SPEG: variants seen among roughly 807,000 people sequenced by gnomAD.
SPEG encodes the protein striated muscle enriched protein kinase.
A neutral mutation model predicts 300.4 loss-of-function variants in SPEG; 114 were observed. That is an observed-to-expected ratio of 0.38 (90% CI 0.33 to 0.44). The LOEUF is 0.44. Among genes scored for constraint, SPEG ranks in the 20% least tolerant of loss-of-function variants. SPEG has a pLI of 1.00. For missense variants in SPEG, 4,201 were observed against 4,586.2 expected, an observed-to-expected ratio of 0.92 and a Z score of 2.43; for synonymous variants, 1,964 against 2,018.9, an observed-to-expected ratio of 0.97 and a Z score of 0.73.
Position 219,481,792 on chromosome 2 carries a change from T to C in SPEG, c.5565+112T>C. The C allele has an allele frequency of 1.1e-6, 1 of 927,154 alleles. No homozygotes were observed. Among genetic ancestry groups the C allele is most frequent in the Non-Finnish European group, 1.8e-6 (1 of 566,480 alleles). The allele number at this position is 927,154 out of a possible 1,614,324, so 57.4% of individuals were successfully genotyped here. A position where few individuals can be genotyped will look rare whatever the true frequency, so the allele number is the denominator to read the frequency against. ...TGCAGTAACCACGTTAGGCATTGTA[T>C]GTACATATGACGTATTAGCCTCACA... On this transcript the variant is annotated intron_variant, in intron 28 of 40. Coordinates refer to ENST00000312358, the MANE Select transcript of SPEG (RefSeq NM_005876.5). The surrounding 1 kb of genome is among the most constrained non-coding windows in gnomAD (Gnocchi z 5.4).
Position 219,481,895 on chromosome 2 carries a change from G to T in SPEG, c.5565+215G>T, listed in dbSNP as rs1361785796. On this transcript the variant is annotated intron_variant, in intron 28 of 40. Transcript: ENST00000312358. This position sits in a 1 kb window ranked among gnomAD's most constrained non-coding sequence, Gnocchi z 5.4. ...GGCTCTAATCAGTGATGGAGTTGGG[G>T]GTATACATACTGGACTCCAGGGCAT... Among the ~76,000 whole-genome samples the T allele has an allele frequency of 1.3e-5, 2 of 152,134 alleles. No homozygotes were observed. Among genetic ancestry groups the T allele is most frequent in the Non-Finnish European group, 2.9e-5 (2 of 68,018 alleles).
At chr2:219,460,733 C>T (rs1161733874) in intron 6 of SPEG, 1 of 982,170 alleles carries the variant, frequency 1.0e-6, no homozygotes, top group East Asian at 1.1e-4. Context: ...GCAGGCACCA[C>T]CTTCCTAGCC....
Position 219,479,767 on chromosome 2 carries a change from C to A in SPEG, c.5086-16C>A. 1 of 1,613,092 alleles carries A rather than the reference C, an allele frequency of 6.2e-7. No individual in the cohort carries two copies. ...CCACCCTTCCCCCTCAGACTCTGGG[C>A]CCACTATTTCCACAGATCCGGGCCT... On this transcript the variant is annotated splice_polypyrimidine_tract_variant and intron_variant, in intron 23 of 40. Transcript: ENST00000312358. The surrounding 1 kb of genome is among the most constrained non-coding windows in gnomAD (Gnocchi z 5.5).
At chr2:219,442,061 T>A in intron 1 of SPEG, 8 of 1,176,734 alleles carry the variant, frequency 6.8e-6, no homozygotes, top group Non-Finnish European at 7.4e-6. Flanking sequence ...ATGAAGAAGC[T>A]GTGGGTGAAG....
Position 219,462,287 on chromosome 2 carries a change from A to AC in SPEG, c.2617-6dup. ...CTGTCTTCCCCTGACACTTTGGGGT[A>AC]CCCCCTTCAGGTCTCACTTATGGAC... On this transcript the variant is annotated splice_polypyrimidine_tract_variant and intron_variant, in intron 7 of 40. Coordinates refer to ENST00000312358, the MANE Select transcript of SPEG (RefSeq NM_005876.5). The AC allele has an allele frequency of 1.3e-6, 2 of 1,556,368 alleles. No homozygotes were observed. Among genetic ancestry groups the AC allele is most frequent in the Non-Finnish European group, 1.7e-6 (2 of 1,148,994 alleles).
Position 219,481,210 on chromosome 2 carries a change from C to A in SPEG, c.5370-94C>A. On this transcript the variant is annotated intron_variant, in intron 26 of 40. Coordinates refer to ENST00000312358, the MANE Select transcript of SPEG (RefSeq NM_005876.5). This position sits in a 1 kb window ranked among gnomAD's most constrained non-coding sequence, Gnocchi z 5.4. ...GCCCAGCCTCTGTCATCCTCACAAC[C>A]CCAGAGCCTCCATCTGTCCCCAGCC... 1 of 1,370,334 alleles carries A rather than the reference C, an allele frequency of 7.3e-7. No homozygotes were observed. The highest frequency in any genetic ancestry group is 1.0e-6 in the Non-Finnish European group (1 of 982,570). The allele number at this position is 1,370,334 out of a possible 1,614,324, so 84.9% of individuals were successfully genotyped here.
At chr2:219,467,572 T>G in intron 10 of SPEG, 138 bp downstream of exon 10, 1 of 966,894 alleles carries the variant, frequency 1.0e-6, no homozygotes, top group Non-Finnish European at 1.5e-6. Flanking sequence ...GCTAGTACAT[T>G]GCCTTGGCCT....
At chr2:219,461,823 A>G in intron 6 of SPEG, 59 bp from the exon 7 acceptor site, 1 of 1,544,988 alleles carries the variant, frequency 6.5e-7, no homozygotes, top group Non-Finnish European at 8.9e-7. Flanking sequence ...CATTCCAGCC[A>G]GCTCTCCCAG....
chr2:219,437,612 T>C (rs1043544165), intron 1 of SPEG, among the ~76,000 whole-genome samples: 2 of 152,072 alleles, frequency 1.3e-5, no homozygotes, highest in African/African-American at 4.8e-5. Context: ...CCTGATTGTG[T>C]AGATAGAAGG....
In SPEG at chr2:219,469,313, C is replaced by T; in HGVS notation, c.3649C>T (p.Pro1217Ser). The change falls in exon 13 of 41, where the codon CCC (proline) becomes TCC (serine). Residue 1217 changes from proline (P) to serine (S), a missense_variant. Coordinates refer to ENST00000312358, the MANE Select transcript of SPEG (RefSeq NM_005876.5). ...LECQVTGLPY[P>S]TISWFHNGHR... is the part of the protein sequence containing the mutation. ...GTGCCAGGTGACCGGCCTGCCCTAC[C>T]CCACCATCAGCTGGTTCCACAATGG... 1 of 1,613,950 alleles carries T rather than the reference C, an allele frequency of 6.2e-7. No homozygotes were observed. Among genetic ancestry groups the T allele is most frequent in the South Asian group, 1.1e-5 (1 of 91,090 alleles).
chr2:219,477,862 C>G lies in SPEG; in HGVS notation c.4827-43C>G. 1.2e-6 allele frequency: 2 copies of G among 1,604,448 alleles called. No individual in the cohort carries two copies. The highest frequency in any genetic ancestry group is 1.7e-6 in the Non-Finnish European group (2 of 1,172,492). On this transcript the variant is annotated intron_variant, in intron 21 of 40. Coordinates refer to ENST00000312358, the MANE Select transcript of SPEG (RefSeq NM_005876.5). This position sits in a 1 kb window ranked among gnomAD's most constrained non-coding sequence, Gnocchi z 6.4. ...GAGGGTTGGGAGGGGTGGAGAGGGC[C>G]ACAGTGATGGCTGATCTCTGACCCC...
In SPEG at chr2:219,483,411, A is replaced by C. The variant is rs2125553127; in HGVS notation, c.5948A>C (p.Asp1983Ala). The C allele has an allele frequency of 6.3e-7, 1 of 1,585,934 alleles. No homozygotes were observed. The highest frequency in any genetic ancestry group is 8.5e-7 in the Non-Finnish European group (1 of 1,172,310). ...WQEQGRAPSQ[D>A]QEAPSPEALP... ...GAGCAGGGAAGGGCTCCCTCTCAGG[A>C]CCAGGAGGCTCCCAGCCCAGAGGCC... Residue 1983 changes from aspartate to alanine, a missense_variant, in exon 30 of 41, where the codon GAC becomes GCC. Coordinates refer to ENST00000312358, the MANE Select transcript of SPEG (RefSeq NM_005876.5).
In SPEG at chr2:219,443,053, G is replaced by A. The variant is rs879809956; in HGVS notation, c.389-1600G>A. ...TTGCAGGTCTGGATGGGAGGCACAG[G>A]GACCTTAGGAACAAGCCTCCCCCTC... On this transcript the variant is annotated intron_variant, in intron 1 of 40. Coordinates refer to ENST00000312358, the MANE Select transcript of SPEG (RefSeq NM_005876.5). The surrounding 1 kb of genome is among the most constrained non-coding windows in gnomAD (Gnocchi z 4.6). 12 of 1,483,736 alleles carry A rather than the reference G, an allele frequency of 8.1e-6. No homozygotes were observed. Among genetic ancestry groups the A allele is most frequent in the Non-Finnish European group, 1.1e-5 (12 of 1,073,030 alleles). 91.9% of individuals were successfully genotyped at this position (1,483,736 alleles called of 1,614,324 possible).
chr2:219,476,768 C>T, intron 18 of SPEG, 102 bp from the exon 19 acceptor site: 1 of 878,194 alleles, frequency 1.1e-6, no homozygotes, highest in Non-Finnish European at 1.8e-6. Context: ...AGCGTTCTGA[C>T]TGAGCCAGTC....
chr2:219,441,945 C>T, intron 1 of SPEG: 1 of 275,764 alleles, frequency 3.6e-6, no homozygotes, highest in Non-Finnish European at 6.5e-6. Context: ...CCACCCGCGC[C>T]GGCTCCCGCC....
Position 219,449,282 on chromosome 2 carries a change from AG to A in SPEG, c.2113+14del. 1 of 1,370,118 alleles carries A rather than the reference AG, an allele frequency of 7.3e-7. No individual in the cohort carries two copies. 84.9% of individuals were successfully genotyped at this position (1,370,118 alleles called of 1,614,324 possible). ...CCTCCCCTGAGCTCGGTAAGGCCTC[AG>A]GGAGGGCTGACAAGGTGCCTGAACC... On this transcript the variant is annotated intron_variant, in intron 4 of 40. Coordinates refer to ENST00000312358, the MANE Select transcript of SPEG (RefSeq NM_005876.5).
At chr2:219,465,895 G>C (rs867941316) in intron 9 of SPEG, 1 of 653,432 alleles carries the variant, frequency 1.5e-6, no homozygotes, top group East Asian at 2.8e-5. Context: ...GCATGTGTGC[G>C]TATGGGTGTG....
Position 219,476,754 on chromosome 2 carries a change from G to C in SPEG, c.4448-116G>C. The stretch of plus-strand genomic sequence containing the variant: ...GGTGGTGGCTTGCAGGGAGGCGGGG[G>C]TCTAGCGTTCTGACTGAGCCAGTCA... On this transcript the variant is annotated intron_variant, in intron 18 of 40. Coordinates refer to ENST00000312358, the MANE Select transcript of SPEG (RefSeq NM_005876.5). The C allele has an allele frequency of 4.1e-6, 3 of 740,026 alleles. No homozygotes were observed. In the Admixed American group the frequency reaches 7.3e-5, roughly 18 times the overall value. The allele number at this position is 740,026 out of a possible 1,614,324, so 45.8% of individuals were successfully genotyped here. A position where few individuals can be genotyped will look rare whatever the true frequency, so the allele number is the denominator to read the frequency against.
chr2:219,439,312 G>GA lies in SPEG; in HGVS notation c.388+3948dup, dbSNP rs1954799062. The stretch of plus-strand genomic sequence containing the variant: ...TGCCTACTATGTGCTTTTGATACAC[G>GA]AGTCAGGGGGTTGAGGGAGACCAAA... On this transcript the variant is annotated intron_variant, in intron 1 of 40. Coordinates refer to ENST00000312358, the MANE Select transcript of SPEG (RefSeq NM_005876.5). This position sits in a 1 kb window ranked among gnomAD's most constrained non-coding sequence, Gnocchi z 4.5. Among the ~76,000 whole-genome samples, 1 of 152,150 alleles carries GA rather than the reference G, an allele frequency of 6.6e-6. No individual in the cohort carries two copies. Among genetic ancestry groups the GA allele is most frequent in the Non-Finnish European group, 1.5e-5 (1 of 68,034 alleles).
Sources: gnomAD v4.1 joint callset for allele counts (sites outside exome capture counted in the v4.1 genomes callset) on GRCh38, gnomAD v4.1.1 for gene constraint, Gnocchi (gnomAD v3.1) non-coding constraint, MANE v1.5 for transcripts, NCBI Gene and HGNC (gene_info 2026-07-23, HGNC 2026-07-21) for gene names.